Variants in UBR3 observed in about 807,000 individuals in gnomAD.
UBR3 encodes ubiquitin protein ligase E3 component n-recognin 3.
UBR3 carries 85 observed loss-of-function variants against 243.2 expected under a neutral mutation model. The observed-to-expected ratio is 0.35, with a 90% confidence interval of 0.29 to 0.42. UBR3 has a LOEUF of 0.42. Ranked by LOEUF, UBR3 falls within the 10% of genes least tolerant of loss-of-function variation. The pLI is 1.00. For missense variants in UBR3, 1,686 were observed against 2,300.8 expected, an observed-to-expected ratio of 0.73 and a Z score of 5.47; for synonymous variants, 748 against 799.8, an observed-to-expected ratio of 0.94 and a Z score of 1.09.
chr2:169,843,059 C>T (rs2082353248), intron 1 of UBR3, among the ~76,000 whole-genome samples: 1 of 152,206 alleles, frequency 6.6e-6, no homozygotes, highest in African/African-American at 2.4e-5. Flanking sequence ...GCAATCTAAG[C>T]TTTTCCTAGC....
At chr2:170,035,920 G>GGGT (rs2090818967) in intron 31 of UBR3, among the ~76,000 whole-genome samples, 1 of 123,094 alleles carries the variant, frequency 8.1e-6, no homozygotes, top group Non-Finnish European at 1.7e-5. Context: ...TGGGGGGGGG[G>GGGT]TTGCTAATTT....
intron 11 of UBR3, among the ~76,000 whole-genome samples, chr2:169,922,404 T>C (rs980282479): frequency 6.6e-6 from 1 of 152,144 alleles, no homozygotes; most frequent in Non-Finnish European, 1.5e-5. Context: ...AAGGCGATTA[T>C]GGTAATGGAG....
At chr2:169,900,291 C>T (rs2084767140) in intron 8 of UBR3, among the ~76,000 whole-genome samples, 1 of 152,160 alleles carries the variant, frequency 6.6e-6, no homozygotes. Context: ...GCATAAATGT[C>T]TTCTTTTGAG....
chr2:169,980,947 C>CTTGT (rs1293769971), intron 24 of UBR3, among the ~76,000 whole-genome samples: 18 of 152,014 alleles, frequency 1.2e-4, no homozygotes, highest in Admixed American at 1.0e-3. Flanking sequence ...AAACAACCCC[C>CTTGT]ACCCCCTCTA....
chr2:169,973,975 T>G (rs887449842), intron 24 of UBR3, among the ~76,000 whole-genome samples: 6 of 152,266 alleles, frequency 3.9e-5, no homozygotes, highest in African/African-American at 1.4e-4. Context: ...TCCTTCATTG[T>G]GTTGCTGTGA....
intron 24 of UBR3, among the ~76,000 whole-genome samples, chr2:169,959,598 T>C (rs73973167): frequency 0.054 from 8,220 of 152,134 alleles, 400 homozygotes; most frequent in African/African-American, 0.13. Context: ...GATATGTATA[T>C]ATGAAAGGGA....
intron 10 of UBR3, among the ~76,000 whole-genome samples, chr2:169,908,341 T>A (rs2085100021): frequency 6.6e-6 from 1 of 152,214 alleles, no homozygotes; most frequent in Admixed American, 6.5e-5. Context: ...AATTTTAAAG[T>A]TTTCTTAAAA....
chr2:170,025,834 A>C (rs977552205), intron 30 of UBR3, among the ~76,000 whole-genome samples: 1 of 152,178 alleles, frequency 6.6e-6, no homozygotes, highest in Non-Finnish European at 1.5e-5. Flanking sequence ...TCATTCACTC[A>C]AATAGCAATT....
Position 169,986,799 on chromosome 2 carries a change from A to G in UBR3, c.3784+5A>G. On this transcript the variant is annotated splice_donor_5th_base_variant and intron_variant, in intron 25 of 38. Coordinates refer to ENST00000272793, the MANE Select transcript of UBR3 (RefSeq NM_172070.4). ...TACTGTTACAAGCATCCTCAGGTAA[A>G]ATCAAAGTAATTTTTTCATGGGAAC... 6.2e-7 allele frequency: 1 copy of G among 1,613,442 alleles called. No homozygotes were observed. The highest frequency in any genetic ancestry group is 8.5e-7 in the Non-Finnish European group (1 of 1,179,812).
At chr2:170,001,912 C>CAAAAAAAAAAAAAAAAAAAAAAAA (rs71006062) in intron 27 of UBR3, among the ~76,000 whole-genome samples, 32 of 67,490 alleles carry the variant, frequency 4.7e-4, no homozygotes, top group Non-Finnish European at 6.0e-4. Context: ...GACTCCATCT[C>CAAAAAAAAAAAAAAAAAAAAAAAA]AAAAAAAAAA....
chr2:170,002,184 T>C (rs2089738061), intron 27 of UBR3, among the ~76,000 whole-genome samples: 1 of 152,136 alleles, frequency 6.6e-6, no homozygotes, highest in African/African-American at 2.4e-5. Context: ...TCTTGTACTA[T>C]ACCCATTCTA....
intron 5 of UBR3, among the ~76,000 whole-genome samples, chr2:169,879,350 C>G (rs1472316607): frequency 6.6e-6 from 1 of 151,968 alleles, no homozygotes; most frequent in Non-Finnish European, 1.5e-5. Context: ...GGGATGATTT[C>G]TGTTGTGGAA....
At chr2:169,907,518 C>T (rs1331139211) in intron 10 of UBR3, among the ~76,000 whole-genome samples, 3 of 151,962 alleles carry the variant, frequency 2.0e-5, no homozygotes, top group Non-Finnish European at 4.4e-5. Flanking sequence ...CTTTATTTCT[C>T]TGTATTTTAA....
intron 29 of UBR3, among the ~76,000 whole-genome samples, chr2:170,011,004 A>C (rs2090066135): frequency 6.6e-6 from 1 of 152,060 alleles, no homozygotes; most frequent in South Asian, 2.1e-4. Context: ...CTCTATGAAA[A>C]ATAAAAAAAA....
intron 32 of UBR3, among the ~76,000 whole-genome samples, chr2:170,044,906 C>CAATT (rs1431666887): frequency 6.6e-6 from 1 of 151,996 alleles, no homozygotes; most frequent in Non-Finnish European, 1.5e-5. Context: ...ACAAAATTTA[C>CAATT]AATTATTATC....
At chr2:169,900,016 A>G (rs530078074) in intron 8 of UBR3, among the ~76,000 whole-genome samples, 2 of 152,268 alleles carry the variant, frequency 1.3e-5, no homozygotes, top group East Asian at 3.9e-4. Flanking sequence ...ATACCCAGTA[A>G]AGGGATTGCT....
chr2:169,841,078 A>G (rs537221713), intron 1 of UBR3, among the ~76,000 whole-genome samples: 1 of 152,314 alleles, frequency 6.6e-6, no homozygotes, highest in Non-Finnish European at 1.5e-5. Context: ...TGTCTTGACG[A>G]AACAGTCACA....
In UBR3 at chr2:169,997,905, T is replaced by G. The variant is rs183116273; in HGVS notation, c.3919-3399T>G. On this transcript the variant is annotated intron_variant, in intron 26 of 38. Coordinates refer to ENST00000272793, the MANE Select transcript of UBR3 (RefSeq NM_172070.4). ...ATTTGATTTTCAAGGAAGTTCTCAC[T>G]CCAGTCATGGATTCTACCTGAAACT... Among the ~76,000 whole-genome samples, 5 of 152,272 alleles carry G rather than the reference T, an allele frequency of 3.3e-5. 1 individual carries two copies. In the East Asian group the frequency reaches 9.7e-4, roughly 29 times the overall value.
chr2:169,958,989 G>A (rs2087441023), intron 24 of UBR3, among the ~76,000 whole-genome samples: 1 of 152,170 alleles, frequency 6.6e-6, no homozygotes, highest in African/African-American at 2.4e-5. Context: ...AGGATACCAT[G>A]TTTCTGTATG....
Sources: gnomAD v4.1 joint callset for allele counts (sites outside exome capture counted in the v4.1 genomes callset) on GRCh38, gnomAD v4.1.1 for gene constraint, MANE v1.5 for transcripts, NCBI Gene and HGNC (gene_info 2026-07-23, HGNC 2026-07-21) for gene names.